RFTN1: variants seen among roughly 807,000 people sequenced by gnomAD.
The protein encoded by RFTN1 is raftlin, lipid raft linker 1, also known as raftlin.
A neutral mutation model predicts 46.5 loss-of-function variants in RFTN1; 26 were observed. The ratio of observed to expected loss-of-function variants is 0.56; its 90% CI spans 0.41 to 0.78. The LOEUF (loss-of-function observed/expected upper bound fraction) is 0.78. Among genes scored for constraint, RFTN1 ranks in the 30% least tolerant of loss-of-function variants. The pLI, the probability that RFTN1 is intolerant of heterozygous loss-of-function variation, is 0.00. For missense variants in RFTN1, 693 were observed against 718.7 expected, an observed-to-expected ratio of 0.96 and a Z score of 0.41; for synonymous variants, 261 against 284.2, an observed-to-expected ratio of 0.92 and a Z score of 0.82.
At position 16,407,519 on chromosome 3, in the gene RFTN1, T is replaced by C. The variant is rs553571922; in HGVS notation, c.441+1856A>G. On this transcript the variant is annotated intron_variant, in intron 4 of 9. Transcript: ENST00000334133. The surrounding 1 kb of genome is among the most constrained non-coding windows in gnomAD (Gnocchi z 4.0). ...AAATCACATGTTTTTAAAAAGCATA[T>C]TTGAGAGTGGGCAGAGCCTTATGCC... Among the ~76,000 whole-genome samples the C allele has an allele frequency of 9.8e-5, 15 of 152,288 alleles. No individual in the cohort carries two copies. The South Asian group carries it at 1.2e-3, about 13-fold the overall frequency.
intron 5 of RFTN1, among the ~76,000 whole-genome samples, chr3:16,375,738 G>A (rs1305012336): frequency 6.6e-6 from 1 of 152,134 alleles, no homozygotes; most frequent in Admixed American, 6.5e-5. Flanking sequence ...CCCTCCTCCT[G>A]GCCTACCCGT....
At chr3:16,405,437 T>G (rs1472392240) in intron 4 of RFTN1, among the ~76,000 whole-genome samples, 1 of 152,090 alleles carries the variant, frequency 6.6e-6, no homozygotes. Context: ...CAAAATGCAG[T>G]AAGGTAGATT....
At position 16,468,631 on chromosome 3, in the gene RFTN1, T is replaced by TAAA. The variant is rs11328874; in HGVS notation, c.145+25091_145+25093dup. On this transcript the variant is annotated intron_variant, in intron 2 of 9. Coordinates refer to ENST00000334133, the MANE Select transcript of RFTN1 (RefSeq NM_015150.2). This position sits in a 1 kb window ranked among gnomAD's most constrained non-coding sequence, Gnocchi z 4.4. ...CCTCACGTACAACCCAGCGTTTGAG[T>TAAA]AAAAAAAAAAAAAAAAAAAACTTTA... Among the ~76,000 whole-genome samples the TAAA allele has an allele frequency of 9.7e-3, 974 of 100,124 alleles. 11 individuals carry two copies. The highest frequency in any genetic ancestry group is 0.033 in the African/African-American group (939 of 28,520). The allele number at this position is 100,124 out of a possible 152,430, so 65.7% of individuals were successfully genotyped here. A position where few individuals can be genotyped will look rare whatever the true frequency, so the allele number is the denominator to read the frequency against.
At chr3:16,456,086 A>G (rs2075900233) in intron 2 of RFTN1, among the ~76,000 whole-genome samples, 2 of 151,932 alleles carry the variant, frequency 1.3e-5, no homozygotes, top group Admixed American at 6.6e-5. Context: ...GCAGAACATG[A>G]GCGAAACTTT....
At position 16,348,139 on chromosome 3, in the gene RFTN1, T is replaced by C. The variant is rs1416248381; in HGVS notation, c.1146+9793A>G. On this transcript the variant is annotated intron_variant, in intron 7 of 9. Coordinates refer to ENST00000334133, the MANE Select transcript of RFTN1 (RefSeq NM_015150.2). This position sits in a 1 kb window ranked among gnomAD's most constrained non-coding sequence, Gnocchi z 6.3. ...GACCACCTCGGAGCACTTGTGGCTC[T>C]TGTTGCTTAAAGCAGGGCAGGCTCC... 1 of 152,144 alleles carries C rather than the reference T, an allele frequency of 6.6e-6. No homozygotes were observed. The highest frequency in any genetic ancestry group is 2.4e-5 in the African/African-American group (1 of 41,428). 9.4% of individuals were successfully genotyped at this position (152,144 alleles called of 1,614,324 possible).
At chr3:16,371,956 T>C (rs2073525595) in intron 5 of RFTN1, among the ~76,000 whole-genome samples, 1 of 152,138 alleles carries the variant, frequency 6.6e-6, no homozygotes, top group Non-Finnish European at 1.5e-5. Flanking sequence ...CGGCCATAAA[T>C]TGGGGCTGGG....
At chr3:16,362,319 C>T (rs1271874470) in intron 6 of RFTN1, among the ~76,000 whole-genome samples, 1 of 152,204 alleles carries the variant, frequency 6.6e-6, no homozygotes, top group Non-Finnish European at 1.5e-5. Context: ...CTCTCATCTG[C>T]TTTGCTGAAA....
At chr3:16,495,516 T>G (rs900301032) in intron 1 of RFTN1, among the ~76,000 whole-genome samples, 3 of 152,226 alleles carry the variant, frequency 2.0e-5, no homozygotes, top group Admixed American at 1.3e-4. Flanking sequence ...AGGGAGGACA[T>G]TCAAGCTATA....
intron 6 of RFTN1, among the ~76,000 whole-genome samples, chr3:16,360,952 A>G (rs2072788687): frequency 6.6e-6 from 1 of 152,196 alleles, no homozygotes; most frequent in Non-Finnish European, 1.5e-5. Flanking sequence ...GAAATACACA[A>G]AATGCTAGCA....
At chr3:16,462,173 C>G (rs1436150038) in intron 2 of RFTN1, among the ~76,000 whole-genome samples, 2 of 152,214 alleles carry the variant, frequency 1.3e-5, no homozygotes, top group African/African-American at 4.8e-5. Context: ...AGCCTGAGTC[C>G]TCTTCTGTAC....
chr3:16,361,825 GA>G lies in RFTN1; in HGVS notation c.1031-3779del, dbSNP rs1471281313. Among the ~76,000 whole-genome samples, 1 of 152,182 alleles carries G rather than the reference GA, an allele frequency of 6.6e-6. No homozygotes were observed. Among genetic ancestry groups the G allele is most frequent in the African/African-American group, 2.4e-5 (1 of 41,448 alleles). On this transcript the variant is annotated intron_variant, in intron 6 of 9. Transcript: ENST00000334133. The surrounding 1 kb of genome is among the most constrained non-coding windows in gnomAD (Gnocchi z 4.3). ...CCTCTTGTGTCTTGGCCATTACATTGAGAGGGCATGCCCCAGTTAGCCAGTT... is the reference window on the plus strand; with the variant it reads ...CCTCTTGTGTCTTGGCCATTACATTGGAGGGCATGCCCCAGTTAGCCAGTT...
At chr3:16,399,337 G>A (rs1185886394) in intron 4 of RFTN1, among the ~76,000 whole-genome samples, 2 of 152,100 alleles carry the variant, frequency 1.3e-5, no homozygotes, top group African/African-American at 4.8e-5. Flanking sequence ...ACCTCTATAG[G>A]ATAAATGGCA....
intron 4 of RFTN1, among the ~76,000 whole-genome samples, chr3:16,391,325 T>G (rs180732731): frequency 6.6e-6 from 1 of 152,236 alleles, no homozygotes; most frequent in African/African-American, 2.4e-5. Flanking sequence ...ACTTGACTCT[T>G]TTGTCCAACT....
At chr3:16,339,639 A>G (rs1382021771) in intron 7 of RFTN1, 1 of 152,198 alleles carries the variant, frequency 6.6e-6, no homozygotes, top group East Asian at 1.9e-4. Flanking sequence ...TCTCAGAGAG[A>G]CTGGCCAATC....
rs896893958 is a variant in RFTN1, at chr3:16,481,317, C to G, written c.145+12408G>C. On this transcript the variant is annotated intron_variant, in intron 2 of 9. Transcript: ENST00000334133. This position sits in a 1 kb window ranked among gnomAD's most constrained non-coding sequence, Gnocchi z 5.1. Reference sequence around the variant, plus strand: ...TAAAGCTACGTCACACATATTATCTCATTTATCTTTTGAAAATCTCTTCAA... The same window carrying G: ...TAAAGCTACGTCACACATATTATCTGATTTATCTTTTGAAAATCTCTTCAA... Among the ~76,000 whole-genome samples the G allele has an allele frequency of 6.6e-6, 1 of 152,184 alleles. No homozygotes were observed. Among genetic ancestry groups the G allele is most frequent in the Non-Finnish European group, 1.5e-5 (1 of 68,038 alleles).
intron 2 of RFTN1, among the ~76,000 whole-genome samples, chr3:16,478,627 A>C (rs1394614177): frequency 1.3e-5 from 2 of 152,198 alleles, no homozygotes; most frequent in African/African-American, 4.8e-5. Context: ...CCTCTGGCTC[A>C]AAATCTTTCA....
chr3:16,375,349 C>G (rs142697102), intron 5 of RFTN1, among the ~76,000 whole-genome samples: 25 of 152,034 alleles, frequency 1.6e-4, no homozygotes, highest in African/African-American at 6.0e-4. Context: ...AGGCCAAATA[C>G]TCAAGCTGTG....
At chr3:16,495,100 G>A (rs1175186157) in intron 1 of RFTN1, among the ~76,000 whole-genome samples, 1 of 152,148 alleles carries the variant, frequency 6.6e-6, no homozygotes, top group Non-Finnish European at 1.5e-5. Flanking sequence ...CTGAAAGAAT[G>A]GATGAGAACA....
At position 16,493,339 on chromosome 3, in the gene RFTN1, C is replaced by G. The variant is rs552035826; in HGVS notation, c.145+386G>C. Among the ~76,000 whole-genome samples, 229 of 151,814 alleles carry G rather than the reference C, an allele frequency of 1.5e-3. 2 individuals carry two copies. Among genetic ancestry groups the G allele is most frequent in the African/African-American group, 5.0e-3 (205 of 41,412 alleles). Reference sequence around the variant, plus strand: ...CTCCGCCTCGTGGGTTCAAGCAATTCTCCTGCCTCAGCCTCCCGAGTAGCT... The same window carrying G: ...CTCCGCCTCGTGGGTTCAAGCAATTGTCCTGCCTCAGCCTCCCGAGTAGCT... On this transcript the variant is annotated intron_variant, in intron 2 of 9. Transcript: ENST00000334133.
Sources: allele counts gnomAD v4.1 joint callset (sites outside exome capture counted in the v4.1 genomes callset), GRCh38; gene constraint gnomAD v4.1.1; non-coding constraint Gnocchi (gnomAD v3.1); transcripts MANE v1.5; gene names NCBI Gene and HGNC (gene_info 2026-07-23, HGNC 2026-07-21).